Variants in VDR observed in about 807,000 individuals in gnomAD.
VDR encodes the protein vitamin D receptor, also known as vitamin D3 receptor.
VDR carries 19 observed loss-of-function variants against 39.7 expected under a neutral mutation model. The ratio of observed to expected loss-of-function variants is 0.48; its 90% CI spans 0.33 to 0.70. The LOEUF is 0.70. Ranked by LOEUF, VDR falls within the 30% of genes least tolerant of loss-of-function variation. VDR has a pLI of 0.02. For missense variants in VDR, 442 were observed against 570.5 expected (o/e 0.77, Z 2.29); for synonymous variants, 242 against 215.8 (o/e 1.12, Z -1.07).
intron 1 of VDR, among the ~76,000 whole-genome samples, chr12:47,883,859 C>T (rs1946206214): frequency 6.6e-6 from 1 of 152,204 alleles, no homozygotes; most frequent in South Asian, 2.1e-4. Context: ...GGCCACTTGC[C>T]ACCCCCTCCA....
At chr12:47,854,081 A>G (rs1371469248) in intron 7 of VDR, among the ~76,000 whole-genome samples, 1 of 152,226 alleles carries the variant, frequency 6.6e-6, no homozygotes, top group Non-Finnish European at 1.5e-5. Context: ...TTATACTTAT[A>G]TATTTTGGCA....
At chr12:47,885,067 C>T (rs1014698701) in intron 1 of VDR, among the ~76,000 whole-genome samples, 19 of 152,184 alleles carry the variant, frequency 1.2e-4, no homozygotes, top group East Asian at 5.8e-4. Flanking sequence ...CCACGTCACA[C>T]GCCCACCCCA....
intron 9 of VDR, 112 bp from the exon 10 acceptor site, chr12:47,845,117 C>A: frequency 6.5e-7 from 1 of 1,529,638 alleles, no homozygotes. Context: ...ACCCCCTAGG[C>A]CACCCCTCTA....
intron 4 of VDR, among the ~76,000 whole-genome samples, chr12:47,862,089 G>T (rs997467440): frequency 3.0e-4 from 46 of 152,226 alleles, no homozygotes; most frequent in African/African-American, 1.0e-3. Flanking sequence ...AGGGAGAAAA[G>T]ACATACATCT....
chr12:47,846,293 C>T lies in VDR; in HGVS notation c.1024+42G>A, dbSNP rs200638364. On this transcript the variant is annotated intron_variant, in intron 9 of 9. Transcript: ENST00000549336. ...GCAGGTCTTTGTCCTTCATACTCCC[C>T]GCTCCCCAGGTCCCTGAGCTCCTCC... 3.5e-4 allele frequency: 545 copies of T among 1,576,142 alleles called. 1 individual carries two copies. The highest frequency in any genetic ancestry group is 4.4e-4 in the Non-Finnish European group (504 of 1,155,178).
chr12:47,879,370 T>C (rs554474343), intron 2 of VDR, among the ~76,000 whole-genome samples: 20 of 152,356 alleles, frequency 1.3e-4, no homozygotes, highest in Non-Finnish European at 2.2e-4. Context: ...ATGTTGCATC[T>C]GTCAGGTTAA....
intron 1 of VDR, among the ~76,000 whole-genome samples, chr12:47,885,038 G>T (rs118086518): frequency 3.3e-3 from 508 of 152,292 alleles, no homozygotes; most frequent in Non-Finnish European, 6.2e-3. Flanking sequence ...TGGAAAAACT[G>T]CTTAATACCT....
intron 7 of VDR, among the ~76,000 whole-genome samples, chr12:47,851,476 C>A (rs1945386375): frequency 6.6e-6 from 1 of 152,162 alleles, no homozygotes; most frequent in South Asian, 2.1e-4. Flanking sequence ...TCCTGTGCCC[C>A]CACACACCCA....
chr12:47,891,501 C>T (rs1946367920), intron 1 of VDR, among the ~76,000 whole-genome samples: 1 of 151,812 alleles, frequency 6.6e-6, no homozygotes, highest in South Asian at 2.1e-4. Flanking sequence ...ACAAACGTTG[C>T]CCAGAAAGCC....
At chr12:47,904,604 G>A (rs1481891056) in intron 1 of VDR, 1 of 1,535,172 alleles carries the variant, frequency 6.5e-7, no homozygotes, top group Non-Finnish European at 8.7e-7. Flanking sequence ...ACAGCCAATC[G>A]CTCCTTTTCT....
In VDR at chr12:47,841,863, C is replaced by A. The variant is rs1945177537; in HGVS notation, c.*2883G>T. The A allele has an allele frequency of 1.3e-5, 2 of 152,334 alleles. No homozygotes were observed. Among genetic ancestry groups the A allele is most frequent in the Non-Finnish European group, 2.9e-5 (2 of 68,044 alleles). The allele number at this position is 152,334 out of a possible 1,614,324, so 9.4% of individuals were successfully genotyped here. ...GTGGAAAATCTTGCATTTTGGGGCA[C>A]CTTCTCCTTCAGTTATAATGATATA... On this transcript the variant is annotated 3_prime_UTR_variant, in exon 10 of 10. Coordinates refer to ENST00000549336, the MANE Select transcript of VDR (RefSeq NM_000376.3).
chr12:47,879,532 T>G (rs1482602667), intron 2 of VDR, among the ~76,000 whole-genome samples: 2 of 152,168 alleles, frequency 1.3e-5, no homozygotes, highest in Non-Finnish European at 2.9e-5. Flanking sequence ...GTCAGGGGCT[T>G]CTATCCTGCC....
intron 3 of VDR, among the ~76,000 whole-genome samples, chr12:47,869,535 C>CA (rs33940574): frequency 0.36 from 24,813 of 68,740 alleles, 4,955 homozygotes; most frequent in Non-Finnish European, 0.44. Context: ...GACTCCATCT[C>CA]AAAAAAAAAA....
At chr12:47,891,043 G>A (rs372881328) in intron 1 of VDR, among the ~76,000 whole-genome samples, 8 of 152,148 alleles carry the variant, frequency 5.3e-5, no homozygotes, top group South Asian at 4.1e-4. Context: ...TGGGACCAAC[G>A]TGATCTCTGA....
In VDR at chr12:47,857,124, C is replaced by A. The variant is rs759979869; in HGVS notation, c.583+5G>T. Reference sequence around the variant, plus strand: ...TACTCTATGGAGGACTGAAGTCCTGCTTACCTGAAGAGGTGATACAGTGAT... The same window carrying A: ...TACTCTATGGAGGACTGAAGTCCTGATTACCTGAAGAGGTGATACAGTGAT... On this transcript the variant is annotated splice_donor_5th_base_variant and intron_variant, in intron 6 of 9. Transcript: ENST00000549336. 8 of 1,614,090 alleles carry A rather than the reference C, an allele frequency of 5.0e-6. No homozygotes were observed. The South Asian group carries it at 7.7e-5, about 16-fold the overall frequency.
At chr12:47,892,443 C>T (rs1450547299) in intron 1 of VDR, among the ~76,000 whole-genome samples, 1 of 152,212 alleles carries the variant, frequency 6.6e-6, no homozygotes, top group African/African-American at 2.4e-5. Flanking sequence ...CAAGCTTTTC[C>T]AGAGCTGTTT....
intron 3 of VDR, among the ~76,000 whole-genome samples, chr12:47,874,244 T>A (rs1945953903): frequency 6.6e-6 from 1 of 152,210 alleles, no homozygotes; most frequent in Admixed American, 6.5e-5. Flanking sequence ...GCTGCCAAAG[T>A]GGACCTGGAC....
intron 2 of VDR, 21 bp from the exon 3 acceptor site, chr12:47,879,136 C>T (rs771610765): frequency 2.2e-5 from 35 of 1,611,792 alleles, no homozygotes; most frequent in Admixed American, 5.0e-5. Context: ...AGCAAGCAGG[C>T]CACGGTCAGA....
chr12:47,855,602 T>A, intron 7 of VDR, 28 bp downstream of exon 7: 2 of 1,613,378 alleles, frequency 1.2e-6, no homozygotes, highest in Non-Finnish European at 1.7e-6. Context: ...TCTGACTCTG[T>A]TCCCCAGAGA....
Sources: gnomAD v4.1 joint callset for allele counts (sites outside exome capture counted in the v4.1 genomes callset) on GRCh38, gnomAD v4.1.1 for gene constraint, MANE v1.5 for transcripts, NCBI Gene and HGNC (gene_info 2026-07-23, HGNC 2026-07-21) for gene names.